Variants in FBXL17 observed in about 807,000 individuals in gnomAD.
The protein encoded by FBXL17 is F-box/LRR-repeat protein 17.
A neutral mutation model predicts 66.2 loss-of-function variants in FBXL17; 22 were observed. The observed-to-expected ratio is 0.33, with a 90% CI of 0.24 to 0.47. The LOEUF is 0.47. FBXL17 is among the 20% of genes least tolerant of loss of function. FBXL17 has a pLI of 1.00. For missense variants in FBXL17, 878 were observed against 948.2 expected (o/e 0.93, Z 0.97); for synonymous variants, 474 against 400.5 (o/e 1.18, Z -2.19).
intron 5 of FBXL17, among the ~76,000 whole-genome samples, chr5:108,192,675 C>A (rs564415811): frequency 1.5e-4 from 23 of 152,054 alleles, no homozygotes; most frequent in Non-Finnish European, 5.9e-5. Context: ...ACCTGTAATC[C>A]CAGCTACTCA....
intron 6 of FBXL17, among the ~76,000 whole-genome samples, chr5:108,162,876 G>T (rs1186607463): frequency 6.6e-6 from 1 of 152,150 alleles, no homozygotes; most frequent in Non-Finnish European, 1.5e-5. Flanking sequence ...TGTGCAGAGA[G>T]GTTTCTGAAA....
At chr5:108,299,256 C>T (rs1048819879) in intron 4 of FBXL17, 89 of 985,064 alleles carry the variant, frequency 9.0e-5, no homozygotes, top group South Asian at 1.9e-4. Context: ...TAGTTTAAAG[C>T]GTTAGGGCAG....
chr5:108,257,740 G>A (rs752299220), intron 4 of FBXL17, among the ~76,000 whole-genome samples: 5 of 152,066 alleles, frequency 3.3e-5, no homozygotes, highest in Admixed American at 2.0e-4. Flanking sequence ...ACTCAGTCAC[G>A]ACCTGATAAT....
intron 6 of FBXL17, among the ~76,000 whole-genome samples, chr5:108,067,977 T>C (rs905385524): frequency 2.6e-5 from 4 of 152,218 alleles, no homozygotes; most frequent in Admixed American, 1.3e-4. Flanking sequence ...TATCCTCAAA[T>C]TGCAGATTTC....
chr5:108,300,535 T>C (rs1417833793), intron 4 of FBXL17, among the ~76,000 whole-genome samples: 1 of 151,836 alleles, frequency 6.6e-6, no homozygotes, highest in Non-Finnish European at 1.5e-5. Context: ...AAGATCTTCT[T>C]TTTTATATTA....
intron 4 of FBXL17, among the ~76,000 whole-genome samples, chr5:108,232,638 C>T (rs938852527): frequency 2.0e-5 from 3 of 150,988 alleles, no homozygotes; most frequent in African/African-American, 7.3e-5. Flanking sequence ...ATCTTTCTCC[C>T]GTGCTGGATG....
intron 7 of FBXL17, among the ~76,000 whole-genome samples, chr5:107,989,983 AC>A (rs2112689977): frequency 6.6e-6 from 1 of 152,180 alleles, no homozygotes; most frequent in Non-Finnish European, 1.5e-5. Context: ...TCTTCCCCTA[AC>A]CCCTTTTCAT....
intron 6 of FBXL17, among the ~76,000 whole-genome samples, chr5:108,117,651 C>G (rs1325243638): frequency 6.6e-6 from 1 of 151,808 alleles, no homozygotes; most frequent in African/African-American, 2.4e-5. Flanking sequence ...GAGTATTTTT[C>G]AAAAAACGTT....
At chr5:108,020,093 G>A (rs956718664) in intron 7 of FBXL17, among the ~76,000 whole-genome samples, 2 of 151,786 alleles carry the variant, frequency 1.3e-5, no homozygotes, top group African/African-American at 4.8e-5. Context: ...ATATGTCAGA[G>A]CTAACAATAA....
intron 6 of FBXL17, among the ~76,000 whole-genome samples, chr5:108,054,867 T>C (rs191918504): frequency 4.3e-4 from 65 of 152,284 alleles, no homozygotes; most frequent in Admixed American, 1.1e-3. Flanking sequence ...CCAAGTTCCC[T>C]AGTTAGTCTG....
At chr5:108,341,570 GATAA>G (rs1430713625) in intron 4 of FBXL17, among the ~76,000 whole-genome samples, 2 of 152,000 alleles carry the variant, frequency 1.3e-5, no homozygotes, top group Non-Finnish European at 2.9e-5. Flanking sequence ...TCTCAAAATA[GATAA>G]ATAAAACAAG....
chr5:107,909,756 G>C (rs1445583189), intron 7 of FBXL17, among the ~76,000 whole-genome samples: 1 of 152,156 alleles, frequency 6.6e-6, no homozygotes, highest in African/African-American at 2.4e-5. Flanking sequence ...AGAGAGGTGA[G>C]CAGAAGGGCT....
At chr5:108,129,328 G>A (rs1750835258) in intron 6 of FBXL17, among the ~76,000 whole-genome samples, 1 of 152,030 alleles carries the variant, frequency 6.6e-6, no homozygotes, top group Admixed American at 6.6e-5. Flanking sequence ...CTCACAGGAT[G>A]ACAGTATTGT....
chr5:108,087,704 G>GA (rs59231167), intron 6 of FBXL17, among the ~76,000 whole-genome samples: 63 of 148,842 alleles, frequency 4.2e-4, no homozygotes, highest in Admixed American at 9.4e-4. Context: ...AACATAAGCA[G>GA]AAAAAAAAAG....
intron 7 of FBXL17, among the ~76,000 whole-genome samples, chr5:107,944,873 G>C (rs1751229628): frequency 6.6e-6 from 1 of 151,886 alleles, no homozygotes; most frequent in Non-Finnish European, 1.5e-5. Flanking sequence ...AATAAAGAAG[G>C]CCTTAAAAAT....
At chr5:107,937,732 T>C (rs1750959728) in intron 7 of FBXL17, among the ~76,000 whole-genome samples, 1 of 152,134 alleles carries the variant, frequency 6.6e-6, no homozygotes, top group South Asian at 2.1e-4. Flanking sequence ...TGAATTGAAT[T>C]ACAGCATGAG....
chr5:108,166,029 C>T (rs1376271332), intron 6 of FBXL17, among the ~76,000 whole-genome samples: 1 of 152,136 alleles, frequency 6.6e-6, no homozygotes, highest in Non-Finnish European at 1.5e-5. Context: ...CCACCAAAAA[C>T]TCATTTTCAA....
intron 6 of FBXL17, among the ~76,000 whole-genome samples, chr5:108,149,641 C>A (rs1364556295): frequency 2.0e-5 from 3 of 152,166 alleles, no homozygotes; most frequent in Non-Finnish European, 4.4e-5. Context: ...ATCTTAACCA[C>A]CTTACATTAC....
At chr5:108,271,902 G>A (rs58844678) in intron 4 of FBXL17, among the ~76,000 whole-genome samples, 22,253 of 152,108 alleles carry the variant, frequency 0.15, 1,664 homozygotes, top group Admixed American at 0.17. Flanking sequence ...TATAAAATGA[G>A]GCTATTACCA....
Sources: allele counts gnomAD v4.1 joint callset (sites outside exome capture counted in the v4.1 genomes callset), GRCh38; gene constraint gnomAD v4.1.1; transcripts MANE v1.5; gene names NCBI Gene and HGNC (gene_info 2026-07-23, HGNC 2026-07-21).